TSPAN5: variants seen among roughly 807,000 people sequenced by gnomAD.
The protein encoded by TSPAN5 is tetraspanin-5.
TSPAN5 carries 10 observed loss-of-function variants against 37.1 expected under a neutral mutation model. The ratio of observed to expected loss-of-function variants is 0.27; its 90% confidence interval spans 0.17 to 0.46. The LOEUF is 0.46. TSPAN5 is among the 20% of genes least tolerant of loss of function. The probability of loss-of-function intolerance (pLI) is 1.00; values close to 1 mark genes in which losing one functional copy is unlikely to be tolerated. For synonymous variants in TSPAN5, 110 were observed against 118.9 expected, an observed-to-expected ratio of 0.93 and a Z score of 0.48; for missense variants, 195 against 326.6, an observed-to-expected ratio of 0.60 and a Z score of 3.11.
At chr4:98,617,657 C>T (rs1027900679) in intron 1 of TSPAN5, among the ~76,000 whole-genome samples, 1 of 152,192 alleles carries the variant, frequency 6.6e-6, no homozygotes, top group African/African-American at 2.4e-5. Flanking sequence ...CTAAAATAGG[C>T]CAACAGCTCC....
intron 1 of TSPAN5, among the ~76,000 whole-genome samples, chr4:98,541,734 A>AG (rs1414894323): frequency 3.3e-5 from 5 of 151,384 alleles, no homozygotes; most frequent in Admixed American, 3.3e-4. Context: ...GGGTTAAATC[A>AG]GGAAACTAAA....
At chr4:98,628,516 T>G (rs955037200) in intron 1 of TSPAN5, among the ~76,000 whole-genome samples, 2 of 152,194 alleles carry the variant, frequency 1.3e-5, no homozygotes, top group African/African-American at 4.8e-5. Flanking sequence ...AAATTCTCAT[T>G]TTTTAAATAT....
At chr4:98,607,475 T>C (rs1184998552) in intron 1 of TSPAN5, among the ~76,000 whole-genome samples, 1 of 152,166 alleles carries the variant, frequency 6.6e-6, no homozygotes. Flanking sequence ...GTGTTTCTCT[T>C]TTTACTTTGG....
At chr4:98,629,197 TCA>T (rs1579042268) in intron 1 of TSPAN5, among the ~76,000 whole-genome samples, 1 of 152,238 alleles carries the variant, frequency 6.6e-6, no homozygotes, top group Non-Finnish European at 1.5e-5. Context: ...ATGAACTATT[TCA>T]CAGTCTTTGA....
intron 1 of TSPAN5, among the ~76,000 whole-genome samples, chr4:98,542,206 T>C (rs963043239): frequency 8.5e-5 from 13 of 152,236 alleles, no homozygotes; most frequent in Non-Finnish European, 1.8e-4. Flanking sequence ...AAGTGTGAGC[T>C]ACCAGTGGTC....
chr4:98,474,840 AT>A (rs1053129189), intron 7 of TSPAN5, among the ~76,000 whole-genome samples: 83 of 152,156 alleles, frequency 5.5e-4, no homozygotes, highest in Middle Eastern at 3.4e-3. Context: ...CATTTGGCTA[AT>A]TTTTTTATTT....
intron 1 of TSPAN5, among the ~76,000 whole-genome samples, chr4:98,553,678 A>G (rs1167208510): frequency 1.3e-5 from 2 of 152,156 alleles, no homozygotes; most frequent in African/African-American, 4.8e-5. Context: ...TCACCAGATC[A>G]GAAGGCCACA....
intron 1 of TSPAN5, among the ~76,000 whole-genome samples, chr4:98,589,455 A>G (rs759321389): frequency 4.1e-4 from 62 of 152,286 alleles, no homozygotes; most frequent in Non-Finnish European, 6.8e-4. Flanking sequence ...TGATGGCCCT[A>G]GCAGACAAAG....
intron 1 of TSPAN5, among the ~76,000 whole-genome samples, chr4:98,569,241 T>C (rs1755068851): frequency 6.6e-6 from 1 of 152,176 alleles, no homozygotes; most frequent in Non-Finnish European, 1.5e-5. Context: ...GGCCATGAAA[T>C]GGAAATAGAA....
At chr4:98,575,838 G>A (rs1482511033) in intron 1 of TSPAN5, among the ~76,000 whole-genome samples, 1 of 151,186 alleles carries the variant, frequency 6.6e-6, no homozygotes, top group East Asian at 1.9e-4. Flanking sequence ...TTGGGAGGCT[G>A]AGACAGGCAG....
At chr4:98,544,286 C>T (rs939824017) in intron 1 of TSPAN5, among the ~76,000 whole-genome samples, 1 of 152,170 alleles carries the variant, frequency 6.6e-6, no homozygotes, top group Non-Finnish European at 1.5e-5. Flanking sequence ...CTGGAATGTG[C>T]CCTCAATTTC....
chr4:98,545,803 A>T (rs1754456874), intron 1 of TSPAN5, among the ~76,000 whole-genome samples: 1 of 152,228 alleles, frequency 6.6e-6, no homozygotes, highest in Admixed American at 6.5e-5. Flanking sequence ...AAGTGCTGGG[A>T]TTACAGGCGT....
At chr4:98,577,614 G>A (rs1323902124) in intron 1 of TSPAN5, among the ~76,000 whole-genome samples, 1 of 152,212 alleles carries the variant, frequency 6.6e-6, no homozygotes, top group Non-Finnish European at 1.5e-5. Context: ...AAAAGTGTCA[G>A]CAAGTAGAAA....
chr4:98,533,839 A>C (rs533779083), intron 1 of TSPAN5, among the ~76,000 whole-genome samples: 10 of 147,718 alleles, frequency 6.8e-5, no homozygotes, highest in African/African-American at 2.2e-4. Flanking sequence ...TGTGAGCCAC[A>C]GCACCCGGCC....
chr4:98,635,134 TA>T (rs1461720367), intron 1 of TSPAN5, among the ~76,000 whole-genome samples: 1 of 152,200 alleles, frequency 6.6e-6, no homozygotes, highest in Non-Finnish European at 1.5e-5. Context: ...GAAAAAATAT[TA>T]GTTGACATTT....
chr4:98,563,268 G>C (rs1272205082), intron 1 of TSPAN5, among the ~76,000 whole-genome samples: 3 of 152,056 alleles, frequency 2.0e-5, no homozygotes, highest in African/African-American at 7.2e-5. Flanking sequence ...GGAGAAGGCA[G>C]GTGAGGGTGA....
intron 1 of TSPAN5, among the ~76,000 whole-genome samples, chr4:98,610,256 C>G (rs1200575116): frequency 6.6e-6 from 1 of 152,194 alleles, no homozygotes; most frequent in Non-Finnish European, 1.5e-5. Context: ...CGAACTCAGC[C>G]TCAAGCCCTT....
At position 98,537,752 on chromosome 4, in the gene TSPAN5, G is replaced by A. The variant is rs932385404; in HGVS notation, c.82-30024C>T. 6.6e-5 allele frequency among the ~76,000 whole-genome samples: 10 copies of A among 152,356 alleles called. No homozygotes were observed. In the East Asian group the frequency reaches 1.7e-3, roughly 26 times the overall value. On this transcript the variant is annotated intron_variant, in intron 1 of 7. Transcript: ENST00000305798. ...GGAGGTGGCAAGGGCCTGGCACAGA[G>A]GTCTGCGACAAGCCAAGCTAGGCCA... is the stretch of plus-strand genomic sequence containing the variant.
At chr4:98,610,347 G>A (rs544134223) in intron 1 of TSPAN5, among the ~76,000 whole-genome samples, 193 of 152,284 alleles carry the variant, frequency 1.3e-3, no homozygotes, top group Non-Finnish European at 2.3e-3. Flanking sequence ...TCCCATCACG[G>A]TTACACTGGG....
Sources: gnomAD v4.1 joint callset for allele counts (sites outside exome capture counted in the v4.1 genomes callset) on GRCh38, gnomAD v4.1.1 for gene constraint, MANE v1.5 for transcripts, NCBI Gene and HGNC (gene_info 2026-07-23, HGNC 2026-07-21) for gene names.